SHANK2: variants seen among roughly 807,000 people sequenced by gnomAD.
SHANK2 encodes SH3 and multiple ankyrin repeat domains 2.
SHANK2 carries 43 observed loss-of-function variants against 133.7 expected under a neutral mutation model. That is an observed-to-expected ratio of 0.32 (90% CI 0.25 to 0.41). SHANK2 has a LOEUF of 0.41. Ranked by LOEUF, SHANK2 falls within the 10% of genes least tolerant of loss-of-function variation. The pLI is 1.00. For missense variants in SHANK2, 1,994 were observed against 2,235.8 expected, an observed-to-expected ratio of 0.89 and a Z score of 2.18; for synonymous variants, 1,017 against 952.8, an observed-to-expected ratio of 1.07 and a Z score of -1.24.
intron 14 of SHANK2, among the ~76,000 whole-genome samples, chr11:70,736,366 A>G (rs1410751146): frequency 2.6e-5 from 4 of 152,286 alleles, no homozygotes; most frequent in East Asian, 1.9e-4. Context: ...CCTGATTTGG[A>G]AAACAGCTCC....
At chr11:70,750,882 T>C (rs1565291018) in intron 14 of SHANK2, among the ~76,000 whole-genome samples, 1 of 152,334 alleles carries the variant, frequency 6.6e-6, no homozygotes, top group East Asian at 1.9e-4. Flanking sequence ...AATTTAGGGC[T>C]TGATCTCAAC....
chr11:71,226,898 T>C (rs1253956351), intron 1 of SHANK2, among the ~76,000 whole-genome samples: 1 of 152,176 alleles, frequency 6.6e-6, no homozygotes, highest in Admixed American at 6.5e-5. Flanking sequence ...TTATATTTGA[T>C]GGTTGAAGCA....
intron 14 of SHANK2, among the ~76,000 whole-genome samples, chr11:70,699,799 G>T (rs1229593898): frequency 6.6e-6 from 1 of 152,206 alleles, no homozygotes; most frequent in African/African-American, 2.4e-5. Context: ...TGCCCTTGAG[G>T]GCAGGAAAGG....
chr11:71,156,462 C>T (rs782345743), intron 2 of SHANK2, among the ~76,000 whole-genome samples: 7 of 152,286 alleles, frequency 4.6e-5, no homozygotes, highest in Non-Finnish European at 8.8e-5. Context: ...TTTCTCTCCC[C>T]GTTCAGCCAA....
At chr11:70,489,371 T>C in intron 23 of SHANK2, 23 bp from the exon 24 acceptor site, 1 of 1,613,142 alleles carries the variant, frequency 6.2e-7, no homozygotes, top group Non-Finnish European at 8.5e-7. Context: ...AATCAGTTGT[T>C]ATTAACCAGT....
intron 14 of SHANK2, among the ~76,000 whole-genome samples, chr11:70,771,470 C>T (rs1307503172): frequency 6.6e-6 from 1 of 152,224 alleles, no homozygotes; most frequent in Non-Finnish European, 1.5e-5. Flanking sequence ...ATGAGGACTG[C>T]AGTGCTGGAA....
intron 5 of SHANK2, 81 bp from the exon 6 acceptor site, chr11:71,110,130 C>CA (rs1184349919): frequency 1.3e-4 from 142 of 1,092,240 alleles, no homozygotes; most frequent in African/African-American, 7.2e-4. Context: ...CCCGTCTCTA[C>CA]AAAAAATAGA....
At chr11:70,620,588 G>A (rs976130759) in intron 17 of SHANK2, among the ~76,000 whole-genome samples, 2 of 131,912 alleles carry the variant, frequency 1.5e-5, no homozygotes, top group African/African-American at 5.9e-5. Context: ...GGCTTGTCTT[G>A]CCCCCAGACA....
chr11:71,125,313 C>G (rs1952161226), intron 3 of SHANK2, among the ~76,000 whole-genome samples: 1 of 152,128 alleles, frequency 6.6e-6, no homozygotes, highest in Non-Finnish European at 1.5e-5. Context: ...GCCTCCAGCA[C>G]CAAACAGTAA....
At chr11:70,528,682 C>A (rs1209162909) in intron 17 of SHANK2, among the ~76,000 whole-genome samples, 1 of 151,976 alleles carries the variant, frequency 6.6e-6, no homozygotes, top group Non-Finnish European at 1.5e-5. Flanking sequence ...CTTTACTATG[C>A]CCTGACAAGC....
At chr11:71,075,854 T>C (rs1951211816) in intron 8 of SHANK2, among the ~76,000 whole-genome samples, 2 of 152,222 alleles carry the variant, frequency 1.3e-5, no homozygotes, top group Non-Finnish European at 2.9e-5. Flanking sequence ...ACCCATACTA[T>C]GATAACTCCT....
intron 2 of SHANK2, among the ~76,000 whole-genome samples, chr11:71,172,597 CAAAAA>C (rs10623588): frequency 1.9e-5 from 2 of 107,302 alleles, no homozygotes; most frequent in Admixed American, 9.4e-5. Flanking sequence ...GACTCTGTCT[CAAAAA>C]AAAAAAAAAA....
At chr11:70,661,755 C>A in intron 15 of SHANK2, 77 bp from the exon 16 acceptor site, 1 of 1,614,068 alleles carries the variant, frequency 6.2e-7, no homozygotes. Context: ...CCGCCGGGGA[C>A]GTTCATCATC....
chr11:70,645,401 A>G (rs924828474), intron 17 of SHANK2, among the ~76,000 whole-genome samples: 7 of 152,084 alleles, frequency 4.6e-5, no homozygotes, highest in Admixed American at 4.6e-4. Context: ...CCTGTTCTCC[A>G]GGAACAACAA....
chr11:70,892,405 C>A (rs935895017), intron 11 of SHANK2, among the ~76,000 whole-genome samples: 4 of 152,200 alleles, frequency 2.6e-5, no homozygotes, highest in African/African-American at 9.6e-5. Flanking sequence ...GCCTCCTCTT[C>A]CCTCTGGCCA....
chr11:71,200,333 G>C (rs757549861), intron 2 of SHANK2, among the ~76,000 whole-genome samples: 15 of 152,190 alleles, frequency 9.9e-5, no homozygotes, highest in Non-Finnish European at 2.2e-4. Flanking sequence ...CCCATCACAT[G>C]GGTACACCAC....
intron 3 of SHANK2, among the ~76,000 whole-genome samples, chr11:71,135,374 G>T (rs537049038): frequency 1.7e-4 from 26 of 151,986 alleles, no homozygotes; most frequent in African/African-American, 6.3e-4. Flanking sequence ...AAATCCCCCT[G>T]TAAACAAAGA....
intron 15 of SHANK2, among the ~76,000 whole-genome samples, chr11:70,675,299 C>T (rs1402883822): frequency 2.0e-5 from 3 of 152,300 alleles, no homozygotes; most frequent in Admixed American, 2.0e-4. Flanking sequence ...GCACCTTCCA[C>T]ACACCAGGCG....
chr11:71,222,730 C>T (rs1437537870), intron 2 of SHANK2, among the ~76,000 whole-genome samples: 1 of 152,248 alleles, frequency 6.6e-6, no homozygotes, highest in African/African-American at 2.4e-5. Flanking sequence ...CCTGGGTGGA[C>T]AGGGACTAAT....
Sources: gnomAD v4.1 joint callset for allele counts (sites outside exome capture counted in the v4.1 genomes callset) on GRCh38, gnomAD v4.1.1 for gene constraint, MANE v1.5 for transcripts, NCBI Gene and HGNC (gene_info 2026-07-23, HGNC 2026-07-21) for gene names.